Variants in CFAP46 observed in about 807,000 individuals in gnomAD.
CFAP46 encodes cilia and flagella associated protein 46.
Under a neutral mutation model 325.7 loss-of-function variants are expected in CFAP46, and 245 were observed. The observed-to-expected ratio is 0.75, with a 90% CI of 0.68 to 0.84. CFAP46 has a LOEUF of 0.84. CFAP46 is among the 40% of genes least tolerant of loss of function. CFAP46 has a pLI of 0.00. For missense variants in CFAP46, 3,346 were observed against 3,543.0 expected, an observed-to-expected ratio of 0.94 and a Z score of 1.41; for synonymous variants, 1,523 against 1,495.9, an observed-to-expected ratio of 1.02 and a Z score of -0.42.
In CFAP46 at chr10:132,821,490, T is replaced by A. The variant is rs1180839087; in HGVS notation, c.7118-6576A>T. On this transcript the variant is annotated intron_variant, in intron 50 of 57. Transcript: ENST00000368586. The stretch of plus-strand genomic sequence containing the variant: ...ATGTGTGTTGTGTGTGCTGTGTGAG[T>A]GCTGATGTGTGCTGTGTGCGCTGTG... Among the ~76,000 whole-genome samples, 8 of 141,534 alleles carry A rather than the reference T, an allele frequency of 5.7e-5. No individual in the cohort carries two copies. In the South Asian group the frequency reaches 1.9e-3, roughly 33 times the overall value. The allele number at this position is 141,534 out of a possible 152,430, so 92.9% of individuals were successfully genotyped here.
intron 50 of CFAP46, among the ~76,000 whole-genome samples, chr10:132,815,350 C>T (rs552783346): frequency 2.0e-4 from 30 of 152,292 alleles, no homozygotes; most frequent in East Asian, 3.9e-4. Flanking sequence ...TTTCTGCCCC[C>T]GACTTTCCTT....
At chr10:132,810,629 G>A (rs747497842) in intron 56 of CFAP46, 140 bp from the exon 57 acceptor site, 8 of 800,986 alleles carry the variant, frequency 1.0e-5, no homozygotes, top group Non-Finnish European at 1.5e-5. Context: ...CTGCAGCAGC[G>A]TCGGCCACTG....
rs1849965209 is a variant in CFAP46, at chr10:132,934,726, G to C, written c.866+26C>G. The C allele has an allele frequency of 7.2e-6, 10 of 1,380,248 alleles. No homozygotes were observed. The East Asian group carries it at 2.3e-4, about 32-fold the overall frequency. 85.5% of individuals were successfully genotyped at this position (1,380,248 alleles called of 1,614,324 possible). A position where few individuals can be genotyped will look rare whatever the true frequency, so the allele number is the denominator to read the frequency against. ...TTTTGTACAACGATTATGAAGATGT[G>C]ATATTGGAAAAATACAAACACTTAC... On this transcript the variant is annotated intron_variant, in intron 8 of 57. Transcript: ENST00000368586.
chr10:132,920,869 AC>A (rs1849712559), intron 13 of CFAP46, among the ~76,000 whole-genome samples: 1 of 152,032 alleles, frequency 6.6e-6, no homozygotes, highest in Non-Finnish European at 1.5e-5. Flanking sequence ...CATGCACCTG[AC>A]CCCCAGGCAG....
At chr10:132,885,310 CCAA>C (rs200688728) in intron 26 of CFAP46, 24 bp from the exon 27 acceptor site, 19,903 of 1,531,620 alleles carry the variant, frequency 0.013, 174 homozygotes, top group South Asian at 0.029. Flanking sequence ...AGGTGAGAAA[CCAA>C]CGTCAGGATC....
intron 24 of CFAP46, among the ~76,000 whole-genome samples, chr10:132,898,129 G>T (rs1045204288): frequency 1.3e-5 from 2 of 152,200 alleles, no homozygotes; most frequent in African/African-American, 2.4e-5. Context: ...GCTCAGAGTG[G>T]GCTGGTCTGG....
In CFAP46 at chr10:132,919,670, C is replaced by T. The variant is rs1386407201; in HGVS notation, c.1731-228G>A. 6.6e-6 allele frequency among the ~76,000 whole-genome samples: 1 copy of T among 151,990 alleles called. No homozygotes were observed. Among genetic ancestry groups the T allele is most frequent in the Admixed American group, 6.5e-5 (1 of 15,274 alleles). ...GCCAGCTGTGCGCGGCACCTCCCTT[C>T]CCTGTGGTGAGAAGAAAGGCCACAC... On this transcript the variant is annotated intron_variant, in intron 14 of 57. Transcript: ENST00000368586. This position sits in a 1 kb window ranked among gnomAD's most constrained non-coding sequence, Gnocchi z 9.7.
intron 4 of CFAP46, 147 bp from the exon 5 acceptor site, chr10:132,938,900 G>T: frequency 1.5e-6 from 1 of 686,430 alleles, no homozygotes; most frequent in Non-Finnish European, 2.4e-6. Context: ...CACCTGAGAA[G>T]CTTTGGCCCA....
chr10:132,923,950 A>G (rs1005634154), intron 11 of CFAP46, among the ~76,000 whole-genome samples: 8 of 152,128 alleles, frequency 5.3e-5, no homozygotes, highest in African/African-American at 1.7e-4. Context: ...GGAGCCCCAG[A>G]GAAGGTGGGA....
chr10:132,939,737 CTGCTGCGTCTCCCTGAG>C lies in CFAP46; in HGVS notation c.372-1001_372-985del, dbSNP rs746319872. Reference sequence around the variant, plus strand: ...GGGGTCATCATGGGACTCCAGCGGCCTGCTGCGTCTCCCTGAGTGCTGCGTCTCCCTGAGTGCTGCGT... The same window carrying C: ...GGGGTCATCATGGGACTCCAGCGGCCTGCTGCGTCTCCCTGAGTGCTGCGT... On this transcript the variant is annotated intron_variant, in intron 4 of 57. Coordinates refer to ENST00000368586, the MANE Select transcript of CFAP46 (RefSeq NM_001200049.3). The surrounding 1 kb of genome is among the most constrained non-coding windows in gnomAD (Gnocchi z 4.6). Among the ~76,000 whole-genome samples, 32 of 152,208 alleles carry C rather than the reference CTGCTGCGTCTCCCTGAG, an allele frequency of 2.1e-4. No homozygotes were observed. Among genetic ancestry groups the C allele is most frequent in the South Asian group, 1.9e-3 (9 of 4,822 alleles).
intron 35 of CFAP46, among the ~76,000 whole-genome samples, chr10:132,862,009 G>A (rs1320997915): frequency 6.6e-6 from 1 of 152,250 alleles, no homozygotes; most frequent in African/African-American, 2.4e-5. Flanking sequence ...TTGTGCCCCT[G>A]CCCGACACAG....
At chr10:132,879,011 A>G (rs34650189) in intron 29 of CFAP46, among the ~76,000 whole-genome samples, 2,703 of 152,324 alleles carry the variant, frequency 0.018, 42 homozygotes, top group Non-Finnish European at 0.031. Context: ...CGGGCGGTTC[A>G]GGAGCTGTCG....
intron 50 of CFAP46, among the ~76,000 whole-genome samples, chr10:132,824,138 T>C (rs866355795): frequency 2.0e-4 from 26 of 128,348 alleles, no homozygotes; most frequent in Non-Finnish European, 2.8e-4. Flanking sequence ...GCTGTGTGTG[T>C]GCTGATGTGT....
rs1432047570 is a variant in CFAP46 at position 132,817,820 on chromosome 10, G to A, written c.7118-2906C>T. Among the ~76,000 whole-genome samples, 2 of 152,366 alleles carry A rather than the reference G, an allele frequency of 1.3e-5. No individual in the cohort carries two copies. Among genetic ancestry groups the A allele is most frequent in the East Asian group, 3.9e-4 (2 of 5,190 alleles). ...CTTGATGTGGCACTGCTTCCTGTCT[G>A]ACGGTTCTGGGAGTCGGAGGTCCGA... On this transcript the variant is annotated intron_variant, in intron 50 of 57. Transcript: ENST00000368586. This position sits in a 1 kb window ranked among gnomAD's most constrained non-coding sequence, Gnocchi z 4.4.
At chr10:132,891,975 A>C (rs988781677) in intron 25 of CFAP46, among the ~76,000 whole-genome samples, 14 of 152,142 alleles carry the variant, frequency 9.2e-5, no homozygotes, top group African/African-American at 2.7e-4. Context: ...GCTATAAACC[A>C]ACGACCTTGG....
At chr10:132,849,124 C>T (rs1026058937) in intron 41 of CFAP46, among the ~76,000 whole-genome samples, 13 of 152,346 alleles carry the variant, frequency 8.5e-5, no homozygotes, top group African/African-American at 3.1e-4. Flanking sequence ...CGGGACTTGA[C>T]GTCTGCTCTG....
At chr10:132,915,053 TG>T (rs1489775364) in intron 17 of CFAP46, among the ~76,000 whole-genome samples, 2 of 152,290 alleles carry the variant, frequency 1.3e-5, no homozygotes, top group African/African-American at 4.8e-5. Context: ...TAGACCAGGC[TG>T]GGCAAACTTT....
chr10:132,865,037 C>A (rs1331204896), intron 35 of CFAP46, among the ~76,000 whole-genome samples: 3 of 152,224 alleles, frequency 2.0e-5, no homozygotes, highest in Non-Finnish European at 4.4e-5. Context: ...CTTTGATGGG[C>A]ATCACTGAAC....
chr10:132,812,735 G>T, intron 55 of CFAP46, 50 bp downstream of exon 55: 1 of 1,405,804 alleles, frequency 7.1e-7, no homozygotes, highest in Non-Finnish European at 1.0e-6. Flanking sequence ...CCCTCAGGCG[G>T]GTTTGTCCTG....
Sources: gnomAD v4.1 joint callset for allele counts (sites outside exome capture counted in the v4.1 genomes callset) on GRCh38, gnomAD v4.1.1 for gene constraint, Gnocchi (gnomAD v3.1) non-coding constraint, MANE v1.5 for transcripts, NCBI Gene and HGNC (gene_info 2026-07-23, HGNC 2026-07-21) for gene names.